Variants in KIRREL3 observed in about 807,000 individuals in gnomAD.
The protein encoded by KIRREL3 is kirre like nephrin family adhesion molecule 3.
A neutral mutation model predicts 89.7 loss-of-function variants in KIRREL3; 36 were observed. The ratio of observed to expected loss-of-function variants is 0.40; its 90% CI spans 0.31 to 0.53. The LOEUF is 0.53. Ranked by LOEUF, KIRREL3 falls within the 20% of genes least tolerant of loss-of-function variation. The pLI is 0.49. For missense variants in KIRREL3, 864 were observed against 1,056.6 expected (o/e 0.82, Z 2.53); for synonymous variants, 445 against 441.4 (o/e 1.01, Z -0.10).
intron 4 of KIRREL3, among the ~76,000 whole-genome samples, chr11:126,479,873 T>G (rs1957173321): frequency 6.6e-6 from 1 of 152,222 alleles, no homozygotes; most frequent in Non-Finnish European, 1.5e-5. Flanking sequence ...CCTGGGTCAC[T>G]CTTACACACC....
chr11:126,520,766 T>A lies in KIRREL3; in HGVS notation c.433+549A>T, dbSNP rs558044919. Among the ~76,000 whole-genome samples, 2 of 152,050 alleles carry A rather than the reference T, an allele frequency of 1.3e-5. No homozygotes were observed. The highest frequency in any genetic ancestry group is 1.3e-4 in the Admixed American group (2 of 15,276). On this transcript the variant is annotated intron_variant, in intron 4 of 16. Transcript: ENST00000525144. This position sits in a 1 kb window ranked among gnomAD's most constrained non-coding sequence, Gnocchi z 4.9. ...TTGGAATAAGGACCTGAAATGAATT[T>A]TCCTAGGAGGGACCTGTCAGCCAGG...
At chr11:126,518,436 G>A (rs1555133143) in intron 4 of KIRREL3, among the ~76,000 whole-genome samples, 1 of 152,244 alleles carries the variant, frequency 6.6e-6, no homozygotes, top group Non-Finnish European at 1.5e-5. Context: ...CAAAGTGTTT[G>A]CTTTGCAATT....
At position 126,995,856 on chromosome 11, in the gene KIRREL3, C is replaced by T. The variant is rs1328068216; in HGVS notation, c.55+4599G>A. On this transcript the variant is annotated intron_variant, in intron 1 of 16. Transcript: ENST00000525144. This position sits in a 1 kb window ranked among gnomAD's most constrained non-coding sequence, Gnocchi z 6.5. ...TCGGGCCTAATCTCCTGCTCCACCC[C>T]ATCTCCTGCTGGCCCTGGCTTCCAC... Among the ~76,000 whole-genome samples, 1 of 152,176 alleles carries T rather than the reference C, an allele frequency of 6.6e-6. No homozygotes were observed. The highest frequency in any genetic ancestry group is 1.5e-5 in the Non-Finnish European group (1 of 68,040).
In KIRREL3 at chr11:126,715,586, G is replaced by A. The variant is rs1465035494; in HGVS notation, c.56-152674C>T. On this transcript the variant is annotated intron_variant, in intron 1 of 16. Coordinates refer to ENST00000525144, the MANE Select transcript of KIRREL3 (RefSeq NM_032531.4). This position sits in a 1 kb window ranked among gnomAD's most constrained non-coding sequence, Gnocchi z 4.4. ...AGGCTGCTTGAGAAAATGCAGTTTG[G>A]GAATATAGGAGAACGTGGACCATTT... Among the ~76,000 whole-genome samples, 1 of 152,082 alleles carries A rather than the reference G, an allele frequency of 6.6e-6. No homozygotes were observed. Among genetic ancestry groups the A allele is most frequent in the African/African-American group, 2.4e-5 (1 of 41,382 alleles).
rs1031221477 is a variant in KIRREL3 at position 126,430,399 on chromosome 11, C to T, written c.1696+1020G>A. On this transcript the variant is annotated intron_variant, in intron 14 of 16. Coordinates refer to ENST00000525144, the MANE Select transcript of KIRREL3 (RefSeq NM_032531.4). The surrounding 1 kb of genome is among the most constrained non-coding windows in gnomAD (Gnocchi z 6.6). ...GGCGGAGGTTGCAGTGAGCTGAGAT[C>T]GTGTCACTGCACTTCAGCCTGGCCA... 9.2e-5 allele frequency among the ~76,000 whole-genome samples: 14 copies of T among 151,850 alleles called. No homozygotes were observed. The highest frequency in any genetic ancestry group is 1.3e-4 in the Non-Finnish European group (9 of 67,964).
Position 126,558,621 on chromosome 11 carries a change from T to C in KIRREL3, c.133+4214A>G, listed in dbSNP as rs1420606194. 6.6e-6 allele frequency among the ~76,000 whole-genome samples: 1 copy of C among 152,120 alleles called. No individual in the cohort carries two copies. The highest frequency in any genetic ancestry group is 1.5e-5 in the Non-Finnish European group (1 of 68,006). ...TGTAATCTCTAGAGTTGTTGACAGG[T>C]CTAACATAGAGGAGGCCTGAGCTCT... On this transcript the variant is annotated intron_variant, in intron 2 of 16. Transcript: ENST00000525144. The surrounding 1 kb of genome is among the most constrained non-coding windows in gnomAD (Gnocchi z 4.0).
intron 2 of KIRREL3, chr11:126,549,282 G>C (rs548303306): frequency 8.5e-5 from 13 of 152,194 alleles, no homozygotes; most frequent in South Asian, 2.1e-4. Context: ...TAACAACACA[G>C]TTTCCATAGA....
rs185718291 is a variant in KIRREL3, at chr11:126,953,976, C to T, written c.55+46479G>A. On this transcript the variant is annotated intron_variant, in intron 1 of 16. Coordinates refer to ENST00000525144, the MANE Select transcript of KIRREL3 (RefSeq NM_032531.4). This position sits in a 1 kb window ranked among gnomAD's most constrained non-coding sequence, Gnocchi z 5.2. ...CAGGGCAATCTGCTGAGTGACACAA[C>T]GACAAGATGCACATCTGTCAGAGGT... Among the ~76,000 whole-genome samples, 38 of 152,190 alleles carry T rather than the reference C, an allele frequency of 2.5e-4. No homozygotes were observed. The highest frequency in any genetic ancestry group is 6.5e-4 in the Admixed American group (10 of 15,296).
In KIRREL3 at chr11:126,788,101, C is replaced by A. The variant is rs1383970775; in HGVS notation, c.55+212354G>T. 6.6e-6 allele frequency among the ~76,000 whole-genome samples: 1 copy of A among 152,128 alleles called. No homozygotes were observed. Among genetic ancestry groups the A allele is most frequent in the East Asian group, 1.9e-4 (1 of 5,196 alleles). On this transcript the variant is annotated intron_variant, in intron 1 of 16. Transcript: ENST00000525144. This position sits in a 1 kb window ranked among gnomAD's most constrained non-coding sequence, Gnocchi z 4.1. ...GCTCTGGAGCCCATACTCTTAGCCA[C>A]GACAATATTCCGCCTCCCATAGCAT...
intron 1 of KIRREL3, among the ~76,000 whole-genome samples, chr11:126,785,872 CAAAAAAAAA>C (rs34526435): frequency 2.6e-5 from 1 of 37,788 alleles, no homozygotes; most frequent in African/African-American, 1.1e-4. Context: ...GACTCCGTCT[CAAAAAAAAA>C]AAAAAAAAAA....
At chr11:126,923,129 C>CTCCTTCTCCTTCT (rs1246765425) in intron 1 of KIRREL3, among the ~76,000 whole-genome samples, 1 of 25,732 alleles carries the variant, frequency 3.9e-5, no homozygotes, top group African/African-American at 1.9e-4. Context: ...TCTCCTTCTT[C>CTCCTTCTCCTTCT]TCTTCTTCTT....
At chr11:126,450,184 T>G (rs1955979075) in intron 7 of KIRREL3, among the ~76,000 whole-genome samples, 1 of 152,224 alleles carries the variant, frequency 6.6e-6, no homozygotes, top group Non-Finnish European at 1.5e-5. Context: ...CACATGTATG[T>G]GTGTGCATGT....
intron 1 of KIRREL3, among the ~76,000 whole-genome samples, chr11:126,672,267 G>A (rs1410603706): frequency 6.6e-6 from 1 of 152,170 alleles, no homozygotes; most frequent in African/African-American, 2.4e-5. Context: ...AGACTAGTGT[G>A]TATATAAAGA....
chr11:127,001,731 C>T (rs1950319249), upstream of KIRREL3, among the ~76,000 whole-genome samples: 1 of 151,976 alleles, frequency 6.6e-6, no homozygotes, highest in Middle Eastern at 3.4e-3. Flanking sequence ...GACATTTAGG[C>T]ATGCTTGGTA....
chr11:126,725,420 A>T (rs1048325009), intron 1 of KIRREL3, among the ~76,000 whole-genome samples: 1 of 152,220 alleles, frequency 6.6e-6, no homozygotes, highest in African/African-American at 2.4e-5. Flanking sequence ...GGAAGCAGTC[A>T]TGGTTTGGAA....
intron 2 of KIRREL3, among the ~76,000 whole-genome samples, chr11:126,545,610 A>AAAAATAAAAT (rs200693654): frequency 0.018 from 2,665 of 148,332 alleles, 35 homozygotes; most frequent in Middle Eastern, 0.041. Context: ...CTCAATTTTT[A>AAAAATAAAAT]AAAATAAAAT....
At chr11:126,448,112 G>C (rs1955892691) in intron 8 of KIRREL3, among the ~76,000 whole-genome samples, 1 of 151,878 alleles carries the variant, frequency 6.6e-6, no homozygotes, top group African/African-American at 2.4e-5. Flanking sequence ...TGGTGAAACT[G>C]TCTCTACTAA....
Position 126,997,401 on chromosome 11 carries a change from A to C in KIRREL3, c.55+3054T>G, listed in dbSNP as rs1365262790. 6.6e-6 allele frequency among the ~76,000 whole-genome samples: 1 copy of C among 152,122 alleles called. No individual in the cohort carries two copies. The highest frequency in any genetic ancestry group is 1.9e-4 in the East Asian group (1 of 5,168). On this transcript the variant is annotated intron_variant, in intron 1 of 16. Coordinates refer to ENST00000525144, the MANE Select transcript of KIRREL3 (RefSeq NM_032531.4). This position sits in a 1 kb window ranked among gnomAD's most constrained non-coding sequence, Gnocchi z 4.3. ...AAGCCCACAAGCAGTACACACTGGC[A>C]GCTCTCCATTCCCTTGTTGGGAGCC...
chr11:126,809,102 A>G (rs1951297569), intron 1 of KIRREL3, among the ~76,000 whole-genome samples: 1 of 152,170 alleles, frequency 6.6e-6, no homozygotes, highest in Non-Finnish European at 1.5e-5. Context: ...AGCAGTCATG[A>G]GCAACCCTAC....
Sources: gnomAD v4.1 joint callset for allele counts (sites outside exome capture counted in the v4.1 genomes callset) on GRCh38, gnomAD v4.1.1 for gene constraint, Gnocchi (gnomAD v3.1) non-coding constraint, MANE v1.5 for transcripts, NCBI Gene and HGNC (gene_info 2026-07-23, HGNC 2026-07-21) for gene names.